The following ETV6 variants were observed in gnomAD, a reference collection of about 807,000 sequenced individuals.
The protein encoded by ETV6 is ETS variant transcription factor 6, also known as transcription factor ETV6.
In ETV6, 16 loss-of-function variants were observed where a neutral mutation model predicts 51.1. The observed-to-expected ratio is 0.31, with a 90% CI of 0.21 to 0.48. The LOEUF (loss-of-function observed/expected upper bound fraction) is 0.48, where lower values mean the gene tolerates loss of function less well. Among genes scored for constraint, ETV6 ranks in the 20% least tolerant of loss-of-function variants. The pLI is 0.99. For missense variants in ETV6, 458 were observed against 594.8 expected (o/e 0.77, Z 2.39); for synonymous variants, 240 against 224.1 (o/e 1.07, Z -0.64).
chr12:11,650,504 A>AAAAAAAC (rs1863882538), intron 1 of ETV6, among the ~76,000 whole-genome samples: 34 of 94,218 alleles, frequency 3.6e-4, no homozygotes, highest in African/African-American at 8.8e-4. Flanking sequence ...AACAAAAAAC[A>AAAAAAAC]AAAAAAAAAA....
chr12:11,787,106 A>T (rs1015222334), intron 2 of ETV6, among the ~76,000 whole-genome samples: 1 of 152,186 alleles, frequency 6.6e-6, no homozygotes, highest in Non-Finnish European at 1.5e-5. Context: ...GTAATTCTAT[A>T]TTTGGAGACA....
At chr12:11,819,422 T>A (rs762798546) in intron 2 of ETV6, among the ~76,000 whole-genome samples, 3 of 152,212 alleles carry the variant, frequency 2.0e-5, no homozygotes, top group Non-Finnish European at 1.5e-5. Flanking sequence ...ACTCACCTAC[T>A]CCAGCGGCTT....
intron 1 of ETV6, among the ~76,000 whole-genome samples, chr12:11,726,007 A>C (rs1865481876): frequency 6.6e-6 from 1 of 152,174 alleles, no homozygotes; most frequent in Non-Finnish European, 1.5e-5. Context: ...AAGACAGTTA[A>C]CTTCCCATCT....
intron 1 of ETV6, among the ~76,000 whole-genome samples, chr12:11,666,638 G>A (rs182827937): frequency 1.1e-3 from 170 of 152,348 alleles, no homozygotes; most frequent in Admixed American, 6.7e-3. Context: ...ACACAAGCCT[G>A]AATAGCTCGT....
intron 2 of ETV6, among the ~76,000 whole-genome samples, chr12:11,797,262 C>G (rs1246913683): frequency 2.0e-5 from 3 of 146,576 alleles, no homozygotes; most frequent in Non-Finnish European, 4.5e-5. Flanking sequence ...AAAAGTTACT[C>G]TCTTTAAGAA....
intron 2 of ETV6, among the ~76,000 whole-genome samples, chr12:11,777,696 G>A (rs998380584): frequency 2.6e-5 from 4 of 151,888 alleles, no homozygotes; most frequent in African/African-American, 2.4e-5. Flanking sequence ...ACATTCTCTC[G>A]CCTCTTTCTT....
intron 1 of ETV6, among the ~76,000 whole-genome samples, chr12:11,664,429 T>C (rs970696518): frequency 6.6e-6 from 1 of 152,138 alleles, no homozygotes; most frequent in Non-Finnish European, 1.5e-5. Flanking sequence ...GGTGGAGGTT[T>C]CTGTTACAAG....
At chr12:11,758,740 C>G (rs976427484) in intron 2 of ETV6, among the ~76,000 whole-genome samples, 1 of 152,198 alleles carries the variant, frequency 6.6e-6, no homozygotes, top group African/African-American at 2.4e-5. Flanking sequence ...TCACAGCTGC[C>G]TGTGACGTGC....
chr12:11,663,437 T>A (rs1864136395), intron 1 of ETV6, among the ~76,000 whole-genome samples: 1 of 152,254 alleles, frequency 6.6e-6, no homozygotes, highest in African/African-American at 2.4e-5. Flanking sequence ...TGACTCTGTT[T>A]GCATATATGC....
At chr12:11,768,961 C>A in intron 2 of ETV6, 1 of 483,108 alleles carries the variant, frequency 2.1e-6, no homozygotes, top group East Asian at 5.8e-5. Flanking sequence ...AAATCTTGTT[C>A]TGTTTAACAA....
chr12:11,671,150 A>G (rs1246397781), intron 1 of ETV6, among the ~76,000 whole-genome samples: 6 of 152,130 alleles, frequency 3.9e-5, no homozygotes, highest in African/African-American at 1.4e-4. Flanking sequence ...GAGAGAAGGA[A>G]ATTAGGGTTC....
At chr12:11,890,292 C>G (rs1947266905) in intron 7 of ETV6, among the ~76,000 whole-genome samples, 1 of 151,570 alleles carries the variant, frequency 6.6e-6, no homozygotes, top group Non-Finnish European at 1.5e-5. Context: ...ATACAGCTCT[C>G]ATGAGTCTGT....
chr12:11,696,069 C>T (rs568948812), intron 1 of ETV6, among the ~76,000 whole-genome samples: 39 of 151,936 alleles, frequency 2.6e-4, no homozygotes, highest in African/African-American at 9.2e-4. Context: ...ATTAGCAAAA[C>T]GATAAATTAA....
At chr12:11,801,726 A>G (rs946897147) in intron 2 of ETV6, among the ~76,000 whole-genome samples, 1 of 152,228 alleles carries the variant, frequency 6.6e-6, no homozygotes, top group African/African-American at 2.4e-5. Flanking sequence ...GATATGACGA[A>G]TCAAACTCAG....
intron 1 of ETV6, among the ~76,000 whole-genome samples, chr12:11,719,209 A>T (rs1458226104): frequency 6.6e-6 from 1 of 152,236 alleles, no homozygotes; most frequent in Non-Finnish European, 1.5e-5. Context: ...CATTTGCTCC[A>T]CGCAGGAGGC....
At chr12:11,713,673 C>T (rs1865216275) in intron 1 of ETV6, among the ~76,000 whole-genome samples, 1 of 152,188 alleles carries the variant, frequency 6.6e-6, no homozygotes, top group South Asian at 2.1e-4. Context: ...TATCTGCTCT[C>T]ACGTTCTGTT....
At chr12:11,818,220 T>C (rs951271424) in intron 2 of ETV6, among the ~76,000 whole-genome samples, 13 of 152,150 alleles carry the variant, frequency 8.5e-5, no homozygotes, top group African/African-American at 2.4e-4. Context: ...AAGGTTTTTA[T>C]TCAAAAGAGC....
At chr12:11,743,861 A>C (rs1865857290) in intron 1 of ETV6, among the ~76,000 whole-genome samples, 1 of 152,226 alleles carries the variant, frequency 6.6e-6, no homozygotes. Flanking sequence ...AAAAAGAGCA[A>C]AGCCCTCAGT....
intron 2 of ETV6, among the ~76,000 whole-genome samples, chr12:11,755,991 T>C (rs1287257207): frequency 3.9e-5 from 6 of 152,200 alleles, no homozygotes; most frequent in Non-Finnish European, 7.3e-5. Flanking sequence ...GATCATATTA[T>C]TTAAGGTTCT....
Sources: gnomAD v4.1 joint callset for allele counts (sites outside exome capture counted in the v4.1 genomes callset) on GRCh38, gnomAD v4.1.1 for gene constraint, MANE v1.5 for transcripts, NCBI Gene and HGNC (gene_info 2026-07-23, HGNC 2026-07-21) for gene names.